RUNX2: variants seen among roughly 807,000 people sequenced by gnomAD.
RUNX2 encodes the protein runt-related transcription factor 2.
A neutral mutation model predicts 51.7 loss-of-function variants in RUNX2; 10 were observed. That is an observed-to-expected ratio of 0.19 (90% CI 0.12 to 0.33). RUNX2 has a LOEUF of 0.33. RUNX2 is among the 10% of genes least tolerant of loss of function. The pLI is 1.00. For missense variants in RUNX2, 562 were observed against 691.3 expected (o/e 0.81, Z 2.10); for synonymous variants, 276 against 273.6 (o/e 1.01, Z -0.09).
chr6:45,363,936 G>A (rs947398343), intron 2 of RUNX2, among the ~76,000 whole-genome samples: 2 of 151,542 alleles, frequency 1.3e-5, no homozygotes, highest in African/African-American at 2.4e-5. Context: ...CCAACATGGC[G>A]AAACCCTGTC....
chr6:45,462,634 A>G (rs531416929), intron 5 of RUNX2, among the ~76,000 whole-genome samples: 1 of 152,384 alleles, frequency 6.6e-6, no homozygotes, highest in Non-Finnish European at 1.5e-5. Context: ...TTTTTAAAAC[A>G]GTATATTTGT....
At chr6:45,470,285 G>C (rs1442713789) in intron 5 of RUNX2, among the ~76,000 whole-genome samples, 1 of 152,164 alleles carries the variant, frequency 6.6e-6, no homozygotes, top group Non-Finnish European at 1.5e-5. Context: ...CAAATGACAT[G>C]ATTAATTTTC....
At chr6:45,535,543 G>T (rs1293526957) in intron 7 of RUNX2, among the ~76,000 whole-genome samples, 1 of 151,758 alleles carries the variant, frequency 6.6e-6, no homozygotes, top group Non-Finnish European at 1.5e-5. Flanking sequence ...GGCAGAGCTT[G>T]CAGTGAGCCG....
chr6:45,341,546 A>G (rs1789775259), intron 2 of RUNX2, among the ~76,000 whole-genome samples: 1 of 152,216 alleles, frequency 6.6e-6, no homozygotes, highest in Admixed American at 6.5e-5. Flanking sequence ...AAATTTTCAT[A>G]TTAGTTTTCA....
intron 2 of RUNX2, among the ~76,000 whole-genome samples, chr6:45,341,290 C>A (rs1040278872): frequency 6.6e-6 from 1 of 152,056 alleles, no homozygotes; most frequent in African/African-American, 2.4e-5. Flanking sequence ...TGATTAGAAA[C>A]CATAGGTTAT....
At position 45,431,736 on chromosome 6, in the gene RUNX2, C is replaced by T. The variant is rs917112221; in HGVS notation, c.424-127C>T. 9.6e-5 allele frequency: 101 copies of T among 1,049,092 alleles called. 1 individual carries two copies. The highest frequency in any genetic ancestry group is 6.9e-4 in the African/African-American group (44 of 63,944). 65.0% of individuals were successfully genotyped at this position (1,049,092 alleles called of 1,614,324 possible). A position where few individuals can be genotyped will look rare whatever the true frequency, so the allele number is the denominator to read the frequency against. The stretch of plus-strand genomic sequence containing the variant: ...CCATACACAGATGCTTCATTCCTGT[C>T]GGCCATTACTGGACTGGACTAGAAC... On this transcript the variant is annotated intron_variant, in intron 3 of 8. Transcript: ENST00000647337.
At chr6:45,526,727 T>A (rs945967197) in intron 7 of RUNX2, among the ~76,000 whole-genome samples, 2 of 152,352 alleles carry the variant, frequency 1.3e-5, no homozygotes, top group Admixed American at 1.3e-4. Flanking sequence ...GCATATGGCA[T>A]AATAATTAAA....
At chr6:45,537,327 G>A (rs1021111585) in intron 7 of RUNX2, among the ~76,000 whole-genome samples, 3 of 152,158 alleles carry the variant, frequency 2.0e-5, no homozygotes, top group African/African-American at 7.2e-5. Flanking sequence ...CAGGCTGCTA[G>A]ATTCACATGA....
intron 5 of RUNX2, among the ~76,000 whole-genome samples, chr6:45,469,146 T>C (rs1288330621): frequency 6.6e-6 from 1 of 152,226 alleles, no homozygotes; most frequent in East Asian, 1.9e-4. Context: ...TGCTTCATGT[T>C]AGTTATTTGT....
chr6:45,359,422 T>G (rs1793838515), intron 2 of RUNX2, among the ~76,000 whole-genome samples: 3 of 152,176 alleles, frequency 2.0e-5, no homozygotes, highest in Admixed American at 1.3e-4. Context: ...TAAACTAAAG[T>G]ATATCTTAAA....
intron 2 of RUNX2, among the ~76,000 whole-genome samples, chr6:45,336,423 G>A (rs1788566556): frequency 6.6e-6 from 1 of 151,366 alleles, no homozygotes; most frequent in African/African-American, 2.4e-5. Context: ...TACCCAGGAA[G>A]AAAATTTAGA....
At chr6:45,457,708 G>T (rs368494273) in intron 5 of RUNX2, among the ~76,000 whole-genome samples, 7 of 152,120 alleles carry the variant, frequency 4.6e-5, no homozygotes, top group African/African-American at 1.7e-4. Context: ...TGACATCAAG[G>T]AGGCTAAGTG....
intron 6 of RUNX2, among the ~76,000 whole-genome samples, chr6:45,492,476 T>G (rs1414543760): frequency 1.3e-5 from 2 of 152,178 alleles, no homozygotes; most frequent in Admixed American, 6.5e-5. Flanking sequence ...AGTGTTACCC[T>G]CTCAGATTTG....
At chr6:45,457,787 G>A (rs1799357361) in intron 5 of RUNX2, among the ~76,000 whole-genome samples, 1 of 152,156 alleles carries the variant, frequency 6.6e-6, no homozygotes, top group Non-Finnish European at 1.5e-5. Flanking sequence ...AAATAAGCCA[G>A]GGCAATGGCA....
intron 5 of RUNX2, among the ~76,000 whole-genome samples, chr6:45,454,140 G>A (rs986158361): frequency 3.3e-5 from 5 of 152,118 alleles, no homozygotes; most frequent in Admixed American, 2.6e-4. Flanking sequence ...TTGTCACCTC[G>A]TAGCCCAGTG....
chr6:45,419,080 G>A (rs1226245598), intron 2 of RUNX2, among the ~76,000 whole-genome samples: 1 of 152,200 alleles, frequency 6.6e-6, no homozygotes, highest in African/African-American at 2.4e-5. Context: ...GAGAAAAAAG[G>A]AGGAAAAGTC....
chr6:45,412,796 G>C (rs1038854941), intron 2 of RUNX2, among the ~76,000 whole-genome samples: 1 of 151,888 alleles, frequency 6.6e-6, no homozygotes, highest in African/African-American at 2.4e-5. Flanking sequence ...CCAGGCTGTA[G>C]TGCAGTGGCA....
chr6:45,468,256 T>C (rs919400243), intron 5 of RUNX2, among the ~76,000 whole-genome samples: 1 of 152,240 alleles, frequency 6.6e-6, no homozygotes, highest in Non-Finnish European at 1.5e-5. Context: ...ATTTTCTAAA[T>C]ATATCCACAC....
At chr6:45,364,645 G>T (rs1563029276) in intron 2 of RUNX2, among the ~76,000 whole-genome samples, 1 of 152,244 alleles carries the variant, frequency 6.6e-6, no homozygotes, top group East Asian at 1.9e-4. Flanking sequence ...GATGAACAGA[G>T]CCTTAAGAAA....
Sources: allele counts gnomAD v4.1 joint callset (sites outside exome capture counted in the v4.1 genomes callset), GRCh38; gene constraint gnomAD v4.1.1; transcripts MANE v1.5; gene names NCBI Gene and HGNC (gene_info 2026-07-23, HGNC 2026-07-21).